Variants in TSPEAR observed in about 807,000 individuals in gnomAD.
TSPEAR encodes thrombospondin type laminin G domain and EAR repeats.
A neutral mutation model predicts 71.6 loss-of-function variants in TSPEAR; 69 were observed. The ratio of observed to expected loss-of-function variants is 0.96; its 90% confidence interval spans 0.79 to 1.18. The LOEUF (loss-of-function observed/expected upper bound fraction) is 1.18, where lower values mean the gene tolerates loss of function less well. Ranked by LOEUF, TSPEAR falls within the 50% of genes most tolerant of loss-of-function variation. The pLI, the probability that TSPEAR is intolerant of heterozygous loss-of-function variation, is 0.00. For synonymous variants in TSPEAR, 402 were observed against 387.2 expected (o/e 1.04, Z -0.45); for missense variants, 971 against 894.9 (o/e 1.09, Z -1.09).
At chr21:44,675,285 A>G (rs912418368) in intron 1 of TSPEAR, among the ~76,000 whole-genome samples, 9 of 152,210 alleles carry the variant, frequency 5.9e-5, no homozygotes, top group Non-Finnish European at 1.0e-4. Context: ...ACAAATCAAT[A>G]AACATGATAT....
Position 44,499,038 on chromosome 21 carries a change from T to G in TSPEAR, c.*745A>C, listed in dbSNP as rs2051978168. ...CGGAGGCACGCAGCCTGAGTCCCAG[T>G]CAGCTGGAGGACATGTGATTAAAAT... On this transcript the variant is annotated 3_prime_UTR_variant, in exon 12 of 12. Transcript: ENST00000323084. 6.6e-6 allele frequency: 1 copy of G among 152,170 alleles called. No individual in the cohort carries two copies. Among genetic ancestry groups the G allele is most frequent in the African/African-American group, 2.4e-5 (1 of 41,426 alleles). 9.4% of individuals were successfully genotyped at this position (152,170 alleles called of 1,614,324 possible). A position where few individuals can be genotyped will look rare whatever the true frequency, so the allele number is the denominator to read the frequency against.
chr21:44,567,683 C>A (rs2053720256), intron 2 of TSPEAR, 102 bp downstream of exon 2: 1 of 1,035,860 alleles, frequency 9.7e-7, no homozygotes, highest in Non-Finnish European at 1.3e-6. Context: ...CCAGAGAGTC[C>A]TTGACAAATG....
At chr21:44,659,962 G>T (rs889379365) in intron 1 of TSPEAR, among the ~76,000 whole-genome samples, 2 of 152,204 alleles carry the variant, frequency 1.3e-5, no homozygotes, top group Admixed American at 1.3e-4. Flanking sequence ...AGTGGATATG[G>T]TAAAAATCAA....
intron 1 of TSPEAR, among the ~76,000 whole-genome samples, chr21:44,641,414 T>G (rs1468696261): frequency 1.3e-5 from 2 of 152,132 alleles, no homozygotes; most frequent in Non-Finnish European, 2.9e-5. Context: ...GCAGAATTGC[T>G]GATACAGTGA....
chr21:44,647,574 C>T, intron 1 of TSPEAR: 4 of 622,824 alleles, frequency 6.4e-6, no homozygotes, highest in Non-Finnish European at 1.1e-5. Context: ...TCTGGAGCCC[C>T]CTTCTCCAAA....
Position 44,531,059 on chromosome 21 carries a change from G to C in TSPEAR, c.617C>G (p.Ala206Gly), listed in dbSNP as rs1173527046. ...CATACTCGCCATGAACAGGCCTTTG[G>C]CTCTCCTCCGGCTGCCGACGAAGAA... ...ARFFVGSRRR[A>G]KGLFMGLVRQ... Residue 206 changes from alanine to glycine, a missense_variant, in exon 4 of 12, where the codon GCC (alanine) becomes GGC (glycine). Ala to Gly is a moderately conservative substitution (Grantham distance 60, BLOSUM62 0). Transcript: ENST00000323084. 6 of 1,613,590 alleles carry C rather than the reference G, an allele frequency of 3.7e-6. No homozygotes were observed. In the South Asian group the frequency reaches 6.6e-5, roughly 18 times the overall value.
chr21:44,509,536 C>T lies in TSPEAR; in HGVS notation c.1567-150G>A, dbSNP rs186934320. 14 of 546,580 alleles carry T rather than the reference C, an allele frequency of 2.6e-5. 1 individual carries two copies. The highest frequency in any genetic ancestry group is 1.5e-4 in the South Asian group (7 of 46,428). 33.9% of individuals were successfully genotyped at this position (546,580 alleles called of 1,614,324 possible). A position where few individuals can be genotyped will look rare whatever the true frequency, so the allele number is the denominator to read the frequency against. On this transcript the variant is annotated intron_variant, in intron 9 of 11. Coordinates refer to ENST00000323084, the MANE Select transcript of TSPEAR (RefSeq NM_144991.3). Reference sequence around the variant, plus strand: ...GAGGGGGCGCAGAGGTGTGGGTGAGCGGGCGCAGAGGTGTGGGTGAGCGGG... The same window carrying T: ...GAGGGGGCGCAGAGGTGTGGGTGAGTGGGCGCAGAGGTGTGGGTGAGCGGG...
rs200116408 is a variant in TSPEAR at position 44,533,671 on chromosome 21, G to A, written c.542+14C>T. On this transcript the variant is annotated intron_variant, in intron 3 of 11. Transcript: ENST00000323084. ...TGAGGACTGCAGGTGCACCCTCCCCGGGTGGGTACCTACATGTCCACCGGG... is the reference window on the plus strand; with the variant it reads ...TGAGGACTGCAGGTGCACCCTCCCCAGGTGGGTACCTACATGTCCACCGGG... 1.0e-3 allele frequency: 1,604 copies of A among 1,595,716 alleles called. 2 individuals carry two copies. The highest frequency in any genetic ancestry group is 2.7e-3 in the African/African-American group (199 of 74,760).
At chr21:44,567,031 C>T (rs1555921829) in intron 2 of TSPEAR, among the ~76,000 whole-genome samples, 2 of 152,100 alleles carry the variant, frequency 1.3e-5, no homozygotes, top group East Asian at 3.8e-4. Context: ...ATGGTTTAAA[C>T]ATTTTGTGCT....
At chr21:44,655,710 C>T (rs2186934) in intron 1 of TSPEAR, among the ~76,000 whole-genome samples, 76,481 of 148,118 alleles carry the variant, frequency 0.52, 19,424 homozygotes, top group African/African-American at 0.63. Flanking sequence ...GGATGACACG[C>T]TCCTCCTCAC....
chr21:44,586,409 G>A (rs1290189943), intron 1 of TSPEAR, among the ~76,000 whole-genome samples: 1 of 152,144 alleles, frequency 6.6e-6, no homozygotes, highest in Non-Finnish European at 1.5e-5. Flanking sequence ...TGAAGGGGAG[G>A]TGGAGGCATT....
At chr21:44,698,175 C>A in intron 1 of TSPEAR, 1 of 607,714 alleles carries the variant, frequency 1.6e-6, no homozygotes. Flanking sequence ...TCCCACATTC[C>A]AGGCCCCTGT....
intron 2 of TSPEAR, among the ~76,000 whole-genome samples, chr21:44,552,817 C>T (rs369029957): frequency 2.6e-5 from 4 of 152,196 alleles, no homozygotes; most frequent in Admixed American, 1.3e-4. Flanking sequence ...CCAGCACGTG[C>T]CAGTCACTCC....
intron 1 of TSPEAR, chr21:44,579,430 C>A: frequency 2.2e-6 from 1 of 459,018 alleles, no homozygotes; most frequent in South Asian, 3.0e-5. Flanking sequence ...CCATGTATCC[C>A]CAGGAGCACT....
chr21:44,647,045 CT>C (rs782001908), intron 1 of TSPEAR: 21 of 1,613,818 alleles, frequency 1.3e-5, no homozygotes, highest in Non-Finnish European at 1.7e-5. Flanking sequence ...TGCTGCAAGA[CT>C]GTCTACTGCA....
At chr21:44,641,650 C>G (rs1555938585) in intron 1 of TSPEAR, among the ~76,000 whole-genome samples, 1 of 152,178 alleles carries the variant, frequency 6.6e-6, no homozygotes, top group Non-Finnish European at 1.5e-5. Flanking sequence ...ATGAACACAG[C>G]TGATGACAGT....
intron 1 of TSPEAR, chr21:44,702,742 CGT>C: frequency 1.4e-6 from 2 of 1,420,724 alleles, no homozygotes; most frequent in Non-Finnish European, 9.9e-7. Context: ...CCTCTGCCGC[CGT>C]GTGTGCTCCC....
Position 44,640,550 on chromosome 21 carries a change from GTCAATGTGTTAAAAACAAATAGTC to G in TSPEAR, c.82+70859_82+70882del, listed in dbSNP as rs1983968388. Reference sequence around the variant, plus strand: ...TTCATGGCTTGTGAATTTTCTCTTGGTCAATGTGTTAAAAACAAATAGTCTCAGCCCTCCATTTGGGATGGCCAC... The same window carrying G: ...TTCATGGCTTGTGAATTTTCTCTTGGTCAGCCCTCCATTTGGGATGGCCAC... On this transcript the variant is annotated intron_variant, in intron 1 of 11. Transcript: ENST00000323084. 3.9e-5 allele frequency among the ~76,000 whole-genome samples: 6 copies of G among 152,314 alleles called. 1 individual carries two copies. In the South Asian group the frequency reaches 1.2e-3, roughly 32 times the overall value.
chr21:44,579,615 G>A, intron 1 of TSPEAR: 2 of 1,024,736 alleles, frequency 2.0e-6, no homozygotes, highest in East Asian at 2.5e-5. Flanking sequence ...CTTCGAGGAT[G>A]GAGATTCCTG....
Sources: gnomAD v4.1 joint callset for allele counts (sites outside exome capture counted in the v4.1 genomes callset) on GRCh38, gnomAD v4.1.1 for gene constraint, MANE v1.5 for transcripts, NCBI Gene and HGNC (gene_info 2026-07-23, HGNC 2026-07-21) for gene names.